Variants in MAF observed in about 807,000 individuals in gnomAD.
MAF encodes the protein transcription factor Maf.
MAF carries 10 observed loss-of-function variants against 22.0 expected under a neutral mutation model. The observed-to-expected ratio is 0.45, with a 90% CI of 0.28 to 0.77. The LOEUF is 0.77. Ranked by LOEUF, MAF falls within the 30% of genes least tolerant of loss-of-function variation. The probability of loss-of-function intolerance (pLI) is 0.12; values close to 1 mark genes in which losing one functional copy is unlikely to be tolerated. For missense variants in MAF, 544 were observed against 548.4 expected (o/e 0.99, Z 0.08); for synonymous variants, 337 against 255.8 (o/e 1.32, Z -3.03).
the MAF span, among the ~76,000 whole-genome samples, chr16:79,459,749 A>G: frequency 6.6e-6 from 1 of 152,136 alleles, no homozygotes; most frequent in African/African-American, 2.4e-5. Flanking sequence ...ATTTTTGCAG[A>G]GACAGGGTTT....
the MAF span, among the ~76,000 whole-genome samples, chr16:79,324,692 G>A: frequency 1.3e-5 from 2 of 152,126 alleles, no homozygotes; most frequent in East Asian, 3.9e-4. Flanking sequence ...AAGGGGAGGA[G>A]GCACAGGCGA....
chr16:79,295,805 C>A, the MAF span, among the ~76,000 whole-genome samples: 1 of 152,216 alleles, frequency 6.6e-6, no homozygotes, highest in African/African-American at 2.4e-5. Flanking sequence ...TATTTTAATT[C>A]TCCCAGTGGC....
At chr16:79,556,127 T>C in the MAF span, among the ~76,000 whole-genome samples, 4 of 152,210 alleles carry the variant, frequency 2.6e-5, no homozygotes, top group Admixed American at 6.5e-5. Context: ...ATAATCAGCT[T>C]GCAAAATTCC....
the MAF span, among the ~76,000 whole-genome samples, chr16:79,404,485 C>G: frequency 6.6e-6 from 1 of 152,104 alleles, no homozygotes; most frequent in Non-Finnish European, 1.5e-5. Context: ...AAGCATTTTC[C>G]CCTTGAAGAG....
chr16:79,360,307 T>C, the MAF span, among the ~76,000 whole-genome samples: 3 of 152,202 alleles, frequency 2.0e-5, no homozygotes, highest in Non-Finnish European at 4.4e-5. Flanking sequence ...CACCTGGCCT[T>C]GTTTCCCATC....
At chr16:79,387,021 A>T in the MAF span, among the ~76,000 whole-genome samples, 3 of 152,336 alleles carry the variant, frequency 2.0e-5, no homozygotes, top group Middle Eastern at 3.4e-3. Context: ...GGCTTCCAAT[A>T]TAGATTTTCC....
At chr16:79,213,863 C>G in the MAF span, among the ~76,000 whole-genome samples, 8 of 152,214 alleles carry the variant, frequency 5.3e-5, no homozygotes, top group Admixed American at 1.3e-4. Context: ...CTAACTGATA[C>G]AGCTTCTCAG....
chr16:79,561,562 C>G, the MAF span, among the ~76,000 whole-genome samples: 2 of 151,136 alleles, frequency 1.3e-5, no homozygotes, highest in Non-Finnish European at 2.9e-5. Context: ...TGAGAACATG[C>G]AGTGTTTGGT....
At chr16:79,384,232 T>G in the MAF span, among the ~76,000 whole-genome samples, 1 of 149,916 alleles carries the variant, frequency 6.7e-6, no homozygotes, top group East Asian at 2.0e-4. Flanking sequence ...TCACCTGAGG[T>G]CAGGAGTTCG....
the MAF span, among the ~76,000 whole-genome samples, chr16:79,363,493 G>T: frequency 6.6e-6 from 1 of 152,066 alleles, no homozygotes; most frequent in Non-Finnish European, 1.5e-5. Context: ...GTAATTTATT[G>T]AATACTTTAC....
chr16:79,263,938 G>T, the MAF span, among the ~76,000 whole-genome samples: 1 of 152,132 alleles, frequency 6.6e-6, no homozygotes, highest in African/African-American at 2.4e-5. Flanking sequence ...GACTGGTTCT[G>T]GTGGCTAGAT....
At chr16:79,397,572 T>C in the MAF span, among the ~76,000 whole-genome samples, 7 of 152,208 alleles carry the variant, frequency 4.6e-5, no homozygotes, top group East Asian at 1.4e-3. Context: ...AGCAAAGAAG[T>C]GTGTGATGAT....
chr16:79,580,061 C>T, the MAF span, among the ~76,000 whole-genome samples: 2 of 152,054 alleles, frequency 1.3e-5, no homozygotes, highest in Admixed American at 6.5e-5. Context: ...TATTATTTCC[C>T]CCCTCTCTTG....
At chr16:79,556,010 T>A in the MAF span, among the ~76,000 whole-genome samples, 1 of 99,120 alleles carries the variant, frequency 1.0e-5, no homozygotes, top group East Asian at 2.1e-4. Context: ...TAGTTTGTTT[T>A]GTTAGTTTAG....
chr16:79,407,802 G>A, the MAF span, among the ~76,000 whole-genome samples: 9 of 152,156 alleles, frequency 5.9e-5, no homozygotes, highest in East Asian at 1.5e-3. Flanking sequence ...GCCGCCCCAC[G>A]AAGCCAGGTT....
the MAF span, among the ~76,000 whole-genome samples, chr16:79,467,551 G>T: frequency 2.0e-5 from 3 of 152,298 alleles, no homozygotes; most frequent in African/African-American, 7.2e-5. Flanking sequence ...GTGAACCCAG[G>T]TGATTCCAGA....
chr16:79,473,512 C>T, the MAF span, among the ~76,000 whole-genome samples: 1 of 152,108 alleles, frequency 6.6e-6, no homozygotes, highest in Non-Finnish European at 1.5e-5. Context: ...AAATGCACAG[C>T]CTTTGCCAAA....
chr16:79,254,498 TTTA>T, the MAF span, among the ~76,000 whole-genome samples: 2 of 152,218 alleles, frequency 1.3e-5, no homozygotes, highest in African/African-American at 4.8e-5. Context: ...ATACATGATT[TTTA>T]TTATATCTTA....
chr16:79,212,753 A>AATAT, the MAF span: 1 of 151,974 alleles, frequency 6.6e-6, no homozygotes, highest in Non-Finnish European at 1.5e-5. Context: ...CTAGAGGAAA[A>AATAT]ATAAAGCGCT....
Sources: allele counts gnomAD v4.1 joint callset (sites outside exome capture counted in the v4.1 genomes callset), GRCh38; gene constraint gnomAD v4.1.1; transcripts MANE v1.5; gene names NCBI Gene and HGNC (gene_info 2026-07-23, HGNC 2026-07-21).